Variants in PCDH15 observed in about 807,000 individuals in gnomAD.
PCDH15 encodes protocadherin-15.
PCDH15 carries 129 observed loss-of-function variants against 178.5 expected under a neutral mutation model. The observed-to-expected ratio is 0.72, with a 90% confidence interval of 0.63 to 0.84. The LOEUF is 0.84. Ranked by LOEUF, PCDH15 falls within the 40% of genes least tolerant of loss-of-function variation. PCDH15 has a pLI of 0.00. For synonymous variants in PCDH15, 800 were observed against 732.0 expected (o/e 1.09, Z -1.50); for missense variants, 2,230 against 2,099.9 (o/e 1.06, Z -1.21).
chr10:54,519,278 G>GT (rs1356271749), intron 3 of PCDH15, among the ~76,000 whole-genome samples: 1 of 152,148 alleles, frequency 6.6e-6, no homozygotes, highest in African/African-American at 2.4e-5. Context: ...AATTGTCCCT[G>GT]TTTGCAGATG....
At chr10:54,863,563 T>C (rs1468423205) in intron 3 of PCDH15, among the ~76,000 whole-genome samples, 2 of 152,196 alleles carry the variant, frequency 1.3e-5, no homozygotes, top group African/African-American at 2.4e-5. Context: ...TATATTTGAC[T>C]GAATGTTGTT....
At chr10:55,113,029 G>T (rs1453444320) in intron 2 of PCDH15, among the ~76,000 whole-genome samples, 1 of 152,062 alleles carries the variant, frequency 6.6e-6, no homozygotes, top group East Asian at 1.9e-4. Flanking sequence ...GTGACACCAA[G>T]AACTTGGAAC....
chr10:54,738,073 A>G (rs1313515479), intron 1 of PCDH15, among the ~76,000 whole-genome samples: 2 of 151,858 alleles, frequency 1.3e-5, no homozygotes, highest in Non-Finnish European at 2.9e-5. Flanking sequence ...AGAATAACGA[A>G]CTCTTTGACT....
chr10:53,921,888 T>C (rs912222206), intron 25 of PCDH15, among the ~76,000 whole-genome samples: 16 of 152,294 alleles, frequency 1.1e-4, no homozygotes, highest in Admixed American at 9.8e-4. Flanking sequence ...ATGGACACCA[T>C]ACCTCCCTAT....
rs1173470940 is a variant in PCDH15 at position 55,476,805 on chromosome 10, A to G, written c.-156+150820T>C. ...CACTCTTGCATTCAAAATATAACTA[A>G]AGAGCATTGCAATTACATTTACTCA... On this transcript the variant is annotated intron_variant, in intron 2 of 5. Transcript: ENST00000613346. Among the ~76,000 whole-genome samples the G allele has an allele frequency of 5.3e-5, 8 of 152,132 alleles. No individual in the cohort carries two copies. In the East Asian group the frequency reaches 1.5e-3, roughly 29 times the overall value.
intron 2 of PCDH15, among the ~76,000 whole-genome samples, chr10:55,051,667 C>T (rs1003647764): frequency 5.3e-5 from 8 of 152,048 alleles, no homozygotes; most frequent in East Asian, 1.9e-4. Context: ...ATACAGAAAC[C>T]GTAACAATCA....
chr10:55,258,792 T>C (rs1433133532), intron 1 of PCDH15, among the ~76,000 whole-genome samples: 1 of 145,138 alleles, frequency 6.9e-6, no homozygotes, highest in Non-Finnish European at 1.5e-5. Context: ...TAAACAGATA[T>C]TGACCTTTCT....
At chr10:54,235,290 C>T (rs2054514783) in intron 9 of PCDH15, among the ~76,000 whole-genome samples, 3 of 152,176 alleles carry the variant, frequency 2.0e-5, no homozygotes, top group Admixed American at 2.0e-4. Context: ...TATTGCCTAT[C>T]TCTTCTGCCA....
chr10:55,188,617 A>C lies in PCDH15; in HGVS notation c.-155-21966T>G, dbSNP rs562923163. On this transcript the variant is annotated intron_variant, in intron 1 of 5. Coordinates refer to the PCDH15 transcript ENST00000458638. ...TTCCATTTTGCACAGCTCATCTAAA[A>C]TGATCATTTTTCCAGTTATTTTAGT... Among the ~76,000 whole-genome samples, 4 of 152,056 alleles carry C rather than the reference A, an allele frequency of 2.6e-5. No homozygotes were observed. The South Asian group carries it at 8.3e-4, about 31-fold the overall frequency.
chr10:55,010,329 A>G (rs1369984026), intron 2 of PCDH15, among the ~76,000 whole-genome samples: 4 of 152,240 alleles, frequency 2.6e-5, no homozygotes, highest in Non-Finnish European at 5.9e-5. Context: ...ATTGGCTAAC[A>G]TAAGCAGCAA....
chr10:55,526,764 T>C (rs1841309946), intron 2 of PCDH15, among the ~76,000 whole-genome samples: 1 of 152,056 alleles, frequency 6.6e-6, no homozygotes, highest in South Asian at 2.1e-4. Context: ...CATTTCCTAA[T>C]TAGAGATTCA....
intron 15 of PCDH15, among the ~76,000 whole-genome samples, chr10:54,108,188 A>G (rs1023935788): frequency 2.0e-5 from 3 of 152,182 alleles, no homozygotes; most frequent in African/African-American, 7.2e-5. Flanking sequence ...GAGCACTCAC[A>G]GTACCTGGCT....
intron 2 of PCDH15, among the ~76,000 whole-genome samples, chr10:55,136,635 G>C (rs1838204937): frequency 6.6e-6 from 1 of 151,998 alleles, no homozygotes; most frequent in South Asian, 2.1e-4. Flanking sequence ...AAGCATTCAG[G>C]CTTAAAGTTT....
At chr10:54,684,420 A>C (rs954850141) in intron 1 of PCDH15, among the ~76,000 whole-genome samples, 2 of 151,990 alleles carry the variant, frequency 1.3e-5, no homozygotes, top group Admixed American at 1.3e-4. Context: ...GTTTACACTG[A>C]ATCTTCAAAG....
chr10:55,598,433 G>A (rs1008029282), intron 2 of PCDH15, among the ~76,000 whole-genome samples: 3 of 147,382 alleles, frequency 2.0e-5, no homozygotes, highest in Non-Finnish European at 3.0e-5. Flanking sequence ...TAGAGGAGCC[G>A]GTTCTATAAT....
intron 9 of PCDH15, among the ~76,000 whole-genome samples, chr10:54,223,461 G>T (rs1053806373): frequency 4.0e-4 from 44 of 110,378 alleles, no homozygotes; most frequent in African/African-American, 1.4e-3. Context: ...GGTACGGATT[G>T]AAGTTTATTT....
At chr10:53,942,546 G>T (rs944782739) in intron 23 of PCDH15, among the ~76,000 whole-genome samples, 2 of 152,168 alleles carry the variant, frequency 1.3e-5, no homozygotes, top group Non-Finnish European at 2.9e-5. Flanking sequence ...AACTTTTTGG[G>T]TATATCCCTC....
At chr10:55,099,825 T>C (rs1842534524) in intron 2 of PCDH15, among the ~76,000 whole-genome samples, 1 of 152,120 alleles carries the variant, frequency 6.6e-6, no homozygotes, top group Non-Finnish European at 1.5e-5. Context: ...TTTCTTATTA[T>C]CAGCTTTCTT....
intron 3 of PCDH15, among the ~76,000 whole-genome samples, chr10:54,871,224 AGGT>A (rs1954033375): frequency 6.6e-6 from 1 of 152,214 alleles, no homozygotes; most frequent in Admixed American, 6.5e-5. Flanking sequence ...TATATGACCA[AGGT>A]CTCTGCCTGA....
Sources: gnomAD v4.1 joint callset for allele counts (sites outside exome capture counted in the v4.1 genomes callset) on GRCh38, gnomAD v4.1.1 for gene constraint, MANE v1.5 for transcripts, NCBI Gene and HGNC (gene_info 2026-07-23, HGNC 2026-07-21) for gene names.